Variants in WASL observed in about 807,000 individuals in gnomAD.
The protein encoded by WASL is WASP like actin nucleation promoting factor, also known as actin nucleation-promoting factor WASL.
Under a neutral mutation model 55.5 loss-of-function variants are expected in WASL, and 20 were observed. The ratio of observed to expected loss-of-function variants is 0.36; its 90% CI spans 0.25 to 0.52. The LOEUF is 0.52. Ranked by LOEUF, WASL falls within the 20% of genes least tolerant of loss-of-function variation. The probability of loss-of-function intolerance (pLI) is 0.92; values close to 1 mark genes in which losing one functional copy is unlikely to be tolerated. For missense variants in WASL, 504 were observed against 622.5 expected (o/e 0.81, Z 2.03); for synonymous variants, 249 against 217.6 (o/e 1.14, Z -1.27).
At position 123,748,982 on chromosome 7, in the gene WASL, G is replaced by A; in HGVS notation, c.-248C>T. 1.9e-6 allele frequency: 1 copy of A among 516,764 alleles called. No homozygotes were observed. The highest frequency in any genetic ancestry group is 3.4e-6 in the Non-Finnish European group (1 of 294,754). 32.0% of individuals were successfully genotyped at this position (516,764 alleles called of 1,614,324 possible). On this transcript the variant is annotated 5_prime_UTR_variant, in exon 1 of 11. Coordinates refer to ENST00000223023, the MANE Select transcript of WASL (RefSeq NM_003941.4). Reference sequence around the variant, plus strand: ...GCCAGGCTAGGGCCGGATGGTCGTTGTCCTCGCACTCCGGCGACTGCGCTA... The same window carrying A: ...GCCAGGCTAGGGCCGGATGGTCGTTATCCTCGCACTCCGGCGACTGCGCTA...
rs187095262 is a variant in WASL, at chr7:123,720,335, A to C, written c.118-11112T>G. ...AGTTCAGCTATACAAATAGGATACC[A>C]TACAGCTGCAAAAAAAAAAAAAAAA... On this transcript the variant is annotated intron_variant, in intron 1 of 10. Transcript: ENST00000223023. 3.1e-3 allele frequency: 1,383 copies of C among 441,984 alleles called. 39 individuals are homozygous for C. The Admixed American group carries it at 0.032, about 10-fold the overall frequency. 27.4% of individuals were successfully genotyped at this position (441,984 alleles called of 1,614,324 possible).
chr7:123,714,098 T>G (rs1329349723), intron 1 of WASL, among the ~76,000 whole-genome samples: 2 of 152,216 alleles, frequency 1.3e-5, no homozygotes, highest in Non-Finnish European at 2.9e-5. Flanking sequence ...TCCTACAGTT[T>G]ATTATGTAGT....
chr7:123,748,922 C>G lies in WASL; in HGVS notation c.-188G>C. On this transcript the variant is annotated 5_prime_UTR_variant, in exon 1 of 11. Transcript: ENST00000223023. ...CGCTGACGGCGAGCCACCTTCGCGCCGCGCTGAGAAAGGGAAGCTCCCGGC... is the reference window on the plus strand; with the variant it reads ...CGCTGACGGCGAGCCACCTTCGCGCGGCGCTGAGAAAGGGAAGCTCCCGGC... 1 of 570,176 alleles carries G rather than the reference C, an allele frequency of 1.8e-6. No individual in the cohort carries two copies. Among genetic ancestry groups the G allele is most frequent in the South Asian group, 2.1e-5 (1 of 46,744 alleles). The allele number at this position is 570,176 out of a possible 1,614,324, so 35.3% of individuals were successfully genotyped here.
rs150264163 is a variant in WASL, at chr7:123,698,049, T to C, written c.461-1302A>G. On this transcript the variant is annotated intron_variant, in intron 5 of 10. Transcript: ENST00000223023. ...CTCCACTGGGAGAACTCTTGGAAAC[T>C]TGTGTGTGGTTTTTTTTTTTTATGA... Among the ~76,000 whole-genome samples, 377 of 151,778 alleles carry C rather than the reference T, an allele frequency of 2.5e-3. 3 individuals are homozygous for C. The highest frequency in any genetic ancestry group is 8.5e-3 in the African/African-American group (349 of 41,158).
intron 1 of WASL, among the ~76,000 whole-genome samples, chr7:123,711,663 TC>T (rs971072342): frequency 4.6e-5 from 7 of 152,150 alleles, no homozygotes; most frequent in Non-Finnish European, 8.8e-5. Flanking sequence ...CAGTCACTAA[TC>T]CCCACACTCT....
chr7:123,708,958 C>G, intron 2 of WASL, 131 bp downstream of exon 2: 1 of 872,004 alleles, frequency 1.1e-6, no homozygotes, highest in South Asian at 4.0e-5. Flanking sequence ...AAAAACCAAG[C>G]TTCACTCTTC....
At chr7:123,740,188 C>A (rs1459839985) in intron 1 of WASL, among the ~76,000 whole-genome samples, 1 of 152,054 alleles carries the variant, frequency 6.6e-6, no homozygotes, top group Non-Finnish European at 1.5e-5. Context: ...ATATCTCATA[C>A]ATATGTCAGA....
At chr7:123,702,209 C>T (rs1803601928) in intron 5 of WASL, among the ~76,000 whole-genome samples, 1 of 152,064 alleles carries the variant, frequency 6.6e-6, no homozygotes, top group African/African-American at 2.4e-5. Context: ...ACATGCGCCA[C>T]CATGCCCAGC....
At position 123,748,604 on chromosome 7, in the gene WASL, T is replaced by C. The variant is rs150011243; in HGVS notation, c.117+14A>G. ...GTAATGTCACGGGTGGCGACGCGGG[T>C]CTCGTCCACTGACCACACATTTCTT... On this transcript the variant is annotated intron_variant, in intron 1 of 10. Transcript: ENST00000223023. 1 of 1,612,000 alleles carries C rather than the reference T, an allele frequency of 6.2e-7. No individual in the cohort carries two copies. The highest frequency in any genetic ancestry group is 2.2e-5 in the East Asian group (1 of 44,606).
At chr7:123,731,988 G>A (rs1212713558) in intron 1 of WASL, among the ~76,000 whole-genome samples, 3 of 152,044 alleles carry the variant, frequency 2.0e-5, no homozygotes, top group Non-Finnish European at 2.9e-5. Context: ...CTTCTAACCA[G>A]CTTAACCAAG....
chr7:123,720,470 A>C, intron 1 of WASL: 1 of 357,882 alleles, frequency 2.8e-6, no homozygotes, highest in South Asian at 2.3e-5. Flanking sequence ...CAATACCACA[A>C]ACAAGAATAA....
chr7:123,739,958 T>G (rs927508591), intron 1 of WASL, among the ~76,000 whole-genome samples: 1 of 151,784 alleles, frequency 6.6e-6, no homozygotes, highest in Non-Finnish European at 1.5e-5. Flanking sequence ...TATCTTTTTG[T>G]GCATAATTTT....
intron 1 of WASL, among the ~76,000 whole-genome samples, chr7:123,728,807 G>A (rs185687642): frequency 6.6e-6 from 1 of 152,296 alleles, no homozygotes; most frequent in African/African-American, 2.4e-5. Context: ...CTGCACTCCA[G>A]CCTGGGCAAC....
intron 10 of WASL, among the ~76,000 whole-genome samples, chr7:123,687,117 A>T (rs1220041075): frequency 1.3e-5 from 2 of 152,106 alleles, no homozygotes. Flanking sequence ...CCTTGGAGTC[A>T]TTTTGCACTC....
intron 1 of WASL, among the ~76,000 whole-genome samples, chr7:123,735,249 C>A (rs1804206161): frequency 6.6e-6 from 1 of 151,180 alleles, no homozygotes; most frequent in South Asian, 2.1e-4. Context: ...TAAAACAGAT[C>A]AATTAGCAAT....
chr7:123,688,999 T>A, intron 10 of WASL, 43 bp downstream of exon 10: 1 of 1,433,796 alleles, frequency 7.0e-7, no homozygotes, highest in Non-Finnish European at 9.5e-7. Context: ...ACACGCACAC[T>A]CTCTCTGTCT....
intron 1 of WASL, among the ~76,000 whole-genome samples, chr7:123,745,925 C>T (rs1056924211): frequency 1.3e-5 from 2 of 152,184 alleles, no homozygotes; most frequent in Non-Finnish European, 2.9e-5. Context: ...ATCATCCTCT[C>T]TCCCACCATT....
chr7:123,738,245 G>C (rs2116823746), intron 1 of WASL, among the ~76,000 whole-genome samples: 1 of 152,120 alleles, frequency 6.6e-6, no homozygotes, highest in African/African-American at 2.4e-5. Flanking sequence ...TATAAACATG[G>C]AAATATATAT....
intron 1 of WASL, among the ~76,000 whole-genome samples, chr7:123,728,189 A>G (rs1170934169): frequency 6.6e-6 from 1 of 152,242 alleles, no homozygotes; most frequent in Non-Finnish European, 1.5e-5. Context: ...ATACAAAAAA[A>G]TAAAAAAACT....
Sources: gnomAD v4.1 joint callset for allele counts (sites outside exome capture counted in the v4.1 genomes callset) on GRCh38, gnomAD v4.1.1 for gene constraint, MANE v1.5 for transcripts, NCBI Gene and HGNC (gene_info 2026-07-23, HGNC 2026-07-21) for gene names.